The following CHN2 variants were observed in gnomAD, a reference collection of about 807,000 sequenced individuals.
CHN2 encodes the protein chimerin 2, also known as beta-chimaerin.
Under a neutral mutation model 56.3 loss-of-function variants are expected in CHN2, and 35 were observed. The ratio of observed to expected loss-of-function variants is 0.62; its 90% CI spans 0.47 to 0.82. The LOEUF (loss-of-function observed/expected upper bound fraction) is 0.82, where lower values mean the gene tolerates loss of function less well. Ranked by LOEUF, CHN2 falls within the 40% of genes least tolerant of loss-of-function variation. CHN2 has a pLI of 0.00. For missense variants in CHN2, 491 were observed against 580.5 expected (o/e 0.85, Z 1.58); for synonymous variants, 210 against 212.8 (o/e 0.99, Z 0.12).
intron 1 of CHN2, chr7:29,195,309 C>T (rs1783540884): frequency 3.1e-6 from 1 of 319,128 alleles, no homozygotes; most frequent in Non-Finnish European, 5.7e-6. Flanking sequence ...GCAGCTGGAG[C>T]GGGGGCTGGC....
At chr7:29,387,018 G>C (rs932898458) in intron 3 of CHN2, among the ~76,000 whole-genome samples, 6 of 152,264 alleles carry the variant, frequency 3.9e-5, no homozygotes, top group Non-Finnish European at 4.4e-5. Flanking sequence ...ACTTAGGGGT[G>C]GTCCCCATCT....
chr7:29,484,873 A>G (rs1043591486), intron 7 of CHN2, among the ~76,000 whole-genome samples: 12 of 152,216 alleles, frequency 7.9e-5, no homozygotes, highest in African/African-American at 2.9e-4. Flanking sequence ...ATGTCCATGA[A>G]AAAAGGTCTT....
At chr7:29,455,516 C>T (rs560957601) in intron 6 of CHN2, among the ~76,000 whole-genome samples, 1 of 152,258 alleles carries the variant, frequency 6.6e-6, no homozygotes, top group East Asian at 1.9e-4. Flanking sequence ...TATTTAGTGT[C>T]TTTGTGTGGC....
chr7:29,399,606 C>G (rs1802038693), intron 5 of CHN2, among the ~76,000 whole-genome samples: 1 of 152,106 alleles, frequency 6.6e-6, no homozygotes, highest in Non-Finnish European at 1.5e-5. Context: ...TCCAAAAGTT[C>G]ATTTGTGAAC....
rs542536697 is a variant in CHN2, at chr7:29,287,845, A to G, written c.50-66780A>G. ...TTCCTTTCTTGATTATTGTCCAGCA[A>G]TGAGCAAGGTCTTGGAACTGGCTAA... On this transcript the variant is annotated intron_variant, in intron 1 of 12. Coordinates refer to ENST00000222792, the MANE Select transcript of CHN2 (RefSeq NM_004067.4). 1.1e-4 allele frequency among the ~76,000 whole-genome samples: 16 copies of G among 152,322 alleles called. No individual in the cohort carries two copies. The South Asian group carries it at 3.1e-3, about 30-fold the overall frequency.
intron 2 of CHN2, among the ~76,000 whole-genome samples, chr7:29,164,801 A>C (rs1019609290): frequency 1.2e-3 from 164 of 142,296 alleles, no homozygotes; most frequent in Non-Finnish European, 6.8e-4. Flanking sequence ...AAAAAAAAAA[A>C]CAAAGATTAT....
intron 5 of CHN2, among the ~76,000 whole-genome samples, chr7:29,399,945 G>A (rs1802064633): frequency 6.6e-6 from 1 of 152,212 alleles, no homozygotes; most frequent in Non-Finnish European, 1.5e-5. Flanking sequence ...CTCTAGGTTA[G>A]ATTGTGGGGA....
At position 29,259,257 on chromosome 7, in the gene CHN2, T is replaced by G. The variant is rs1252002266; in HGVS notation, c.49+64267T>G. Among the ~76,000 whole-genome samples the G allele has an allele frequency of 2.0e-5, 3 of 151,608 alleles. No homozygotes were observed. In the East Asian group the frequency reaches 5.8e-4, roughly 29 times the overall value. On this transcript the variant is annotated intron_variant, in intron 1 of 12. Coordinates refer to ENST00000222792, the MANE Select transcript of CHN2 (RefSeq NM_004067.4). ...GTGGGAGAATTACTTGAGCCTGAAG[T>G]TCAAGGCTGTAGTGAGCCAAGATTG...
intron 1 of CHN2, among the ~76,000 whole-genome samples, chr7:29,305,572 T>C (rs1042970806): frequency 1.3e-5 from 2 of 152,290 alleles, no homozygotes; most frequent in East Asian, 1.9e-4. Context: ...GGTCAATAGC[T>C]GGATAATTTT....
chr7:29,353,890 T>TAA (rs533109207), intron 1 of CHN2, among the ~76,000 whole-genome samples: 1 of 152,232 alleles, frequency 6.6e-6, no homozygotes, highest in Non-Finnish European at 1.5e-5. Flanking sequence ...ACGACTCTAA[T>TAA]AACTGCATCA....
intron 2 of CHN2, among the ~76,000 whole-genome samples, chr7:29,354,969 T>TTTATTTATTTAC (rs1200084189): frequency 1.3e-3 from 197 of 150,592 alleles, no homozygotes; most frequent in African/African-American, 4.7e-3. Flanking sequence ...TATTTATTTA[T>TTTATTTATTTAC]TTATTTTTTA....
At chr7:29,396,325 G>A (rs1801738337) in intron 4 of CHN2, among the ~76,000 whole-genome samples, 1 of 151,646 alleles carries the variant, frequency 6.6e-6, no homozygotes, top group Non-Finnish European at 1.5e-5. Flanking sequence ...GGCATGGTGG[G>A]GTGTGCCTGT....
intron 2 of CHN2, among the ~76,000 whole-genome samples, chr7:29,188,170 C>A (rs1008692829): frequency 6.6e-6 from 1 of 152,152 alleles, no homozygotes; most frequent in Non-Finnish European, 1.5e-5. Context: ...GGAACAGAGG[C>A]CACCTAGAGT....
rs1783516023 is a variant in CHN2 at position 29,195,153 on chromosome 7, G to C, written c.49+163G>C. 26 of 639,222 alleles carry C rather than the reference G, an allele frequency of 4.1e-5. No individual in the cohort carries two copies. The South Asian group carries it at 6.6e-4, about 16-fold the overall frequency. The allele number at this position is 639,222 out of a possible 1,614,324, so 39.6% of individuals were successfully genotyped here. ...TACTTGTTTGGTTCGCCAGCACCTC[G>C]GTGCCCAGAGCACCTCCGCGCCTGA... On this transcript the variant is annotated intron_variant, in intron 1 of 12. Transcript: ENST00000222792.
intron 6 of CHN2, among the ~76,000 whole-genome samples, chr7:29,402,745 A>G (rs2128087311): frequency 6.6e-6 from 1 of 152,292 alleles, no homozygotes; most frequent in Non-Finnish European, 1.5e-5. Context: ...CTGGGTATTG[A>G]AACTGATATT....
At chr7:29,360,159 G>A (rs1474455494) in intron 2 of CHN2, among the ~76,000 whole-genome samples, 1 of 152,150 alleles carries the variant, frequency 6.6e-6, no homozygotes, top group African/African-American at 2.4e-5. Context: ...TCAGTGTGTG[G>A]GCAACTGTCA....
chr7:29,445,555 T>C (rs543680049), intron 6 of CHN2, among the ~76,000 whole-genome samples: 40 of 152,350 alleles, frequency 2.6e-4, no homozygotes, highest in African/African-American at 9.1e-4. Flanking sequence ...CCTGCACTGT[T>C]GTGAGAGCCG....
chr7:29,290,296 C>A (rs1356022433), intron 1 of CHN2, among the ~76,000 whole-genome samples: 1 of 152,204 alleles, frequency 6.6e-6, no homozygotes, highest in Non-Finnish European at 1.5e-5. Context: ...TGCTTTTATG[C>A]AAAGGAACCC....
chr7:29,294,397 G>A (rs566734865), intron 1 of CHN2, among the ~76,000 whole-genome samples: 1 of 152,200 alleles, frequency 6.6e-6, no homozygotes, highest in Non-Finnish European at 1.5e-5. Flanking sequence ...GGTGTTTGGG[G>A]ACAAAAACAA....
Sources: allele counts gnomAD v4.1 joint callset (sites outside exome capture counted in the v4.1 genomes callset), GRCh38; gene constraint gnomAD v4.1.1; transcripts MANE v1.5; gene names NCBI Gene and HGNC (gene_info 2026-07-23, HGNC 2026-07-21).